The following PCDHGA7 variants were observed in gnomAD, a reference collection of about 807,000 sequenced individuals.
PCDHGA7 encodes protocadherin gamma subfamily A, 7.
A neutral mutation model predicts 58.3 loss-of-function variants in PCDHGA7; 44 were observed. That is an observed-to-expected ratio of 0.75 (90% CI 0.59 to 0.97). PCDHGA7 has a LOEUF of 0.97. Among genes scored for constraint, PCDHGA7 ranks in the 50% least tolerant of loss-of-function variants. The pLI is 0.00. For missense variants in PCDHGA7, 1,266 were observed against 1,188.7 expected (o/e 1.06, Z -0.96); for synonymous variants, 516 against 504.2 (o/e 1.02, Z -0.31).
chr5:141,418,324 G>A, intron 1 of PCDHGA7: 2 of 1,614,006 alleles, frequency 1.2e-6, no homozygotes, highest in Non-Finnish European at 1.7e-6. Context: ...CAATTCTTGA[G>A]TCTGCAGAAG....
chr5:141,455,936 C>T (rs1194722770), intron 1 of PCDHGA7, among the ~76,000 whole-genome samples: 3 of 151,422 alleles, frequency 2.0e-5, no homozygotes, highest in East Asian at 3.9e-4. Flanking sequence ...CTCGCTCTGT[C>T]GCCCAGGCTG....
chr5:141,414,415 C>A (rs769791452), intron 1 of PCDHGA7: 1 of 1,613,876 alleles, frequency 6.2e-7, no homozygotes, highest in Admixed American at 1.7e-5. Context: ...ACACAGAGCC[C>A]TTGACAGGGA....
intron 1 of PCDHGA7, chr5:141,395,467 C>T (rs2093236177): frequency 1.8e-6 from 1 of 566,628 alleles, no homozygotes; most frequent in Non-Finnish European, 3.0e-6. Context: ...TTTAAGCCTT[C>T]CAGTATTTTA....
At chr5:141,399,382 A>G in intron 1 of PCDHGA7, 1 of 1,614,000 alleles carries the variant, frequency 6.2e-7, no homozygotes, top group Non-Finnish European at 8.5e-7. Context: ...TGTCACCATC[A>G]CAGCCACAGA....
intron 1 of PCDHGA7, chr5:141,408,700 A>G (rs748315700): frequency 3.1e-6 from 5 of 1,613,470 alleles, no homozygotes; most frequent in Admixed American, 3.3e-5. Flanking sequence ...ACATAAACTC[A>G]ATTAAAGATT....
intron 1 of PCDHGA7, among the ~76,000 whole-genome samples, chr5:141,483,014 G>A (rs1401419953): frequency 1.3e-5 from 2 of 152,184 alleles, no homozygotes; most frequent in Non-Finnish European, 2.9e-5. Context: ...GAACCCGGGA[G>A]GCAGAGGTTG....
intron 1 of PCDHGA7, among the ~76,000 whole-genome samples, chr5:141,458,876 G>T (rs187470646): frequency 5.0e-4 from 76 of 152,248 alleles, no homozygotes; most frequent in African/African-American, 1.7e-3. Context: ...GGGACTACAG[G>T]CATGCACACC....
At position 141,384,883 on chromosome 5, in the gene PCDHGA7, G is replaced by A. The variant is rs774353364; in HGVS notation, c.1984G>A (p.Val662Met). ...PPLSATVTLT[V>M]AVADSIPEVL... ...TCTGTCAGCCACCGTCACACTCACCGTGGCTGTGGCTGACAGCATCCCCGA... is the reference window on the plus strand; with the variant it reads ...TCTGTCAGCCACCGTCACACTCACCATGGCTGTGGCTGACAGCATCCCCGA... The change falls in exon 1 of 4, where the codon GTG becomes ATG. Residue 662 changes from valine (V) to methionine (M), a missense_variant. Physicochemically the swap from Val to Met is conservative, Grantham distance 21 (BLOSUM62 1). Coordinates refer to ENST00000518325, the MANE Select transcript of PCDHGA7 (RefSeq NM_018920.4). 62 of 1,613,804 alleles carry A rather than the reference G, an allele frequency of 3.8e-5. 1 individual carries two copies. In the East Asian group the frequency reaches 1.3e-3, roughly 35 times the overall value.
chr5:141,422,777 C>CCCTACAAT, intron 1 of PCDHGA7: 2 of 1,613,982 alleles, frequency 1.2e-6, no homozygotes, highest in Non-Finnish European at 1.7e-6. Context: ...GTTCTCTATG[C>CCCTACAAT]CCTACAATCC....
At chr5:141,394,991 G>C (rs1282662717) in intron 1 of PCDHGA7, 1 of 1,614,012 alleles carries the variant, frequency 6.2e-7, no homozygotes, top group East Asian at 2.2e-5. Flanking sequence ...GCCTGCTCCA[G>C]GATTCCGGTG....
chr5:141,505,284 G>A, intron 2 of PCDHGA7, 109 bp from the exon 3 acceptor site: 1 of 1,548,402 alleles, frequency 6.5e-7, no homozygotes. Flanking sequence ...CAGGTCTTGG[G>A]CATGGGGTAG....
chr5:141,496,888 T>TA (rs35063790), intron 2 of PCDHGA7, among the ~76,000 whole-genome samples: 34,968 of 133,936 alleles, frequency 0.26, 4,377 homozygotes, highest in Admixed American at 0.34. Flanking sequence ...AAGTAACACT[T>TA]AAAAAAAAAA....
intron 1 of PCDHGA7, chr5:141,399,717 C>T (rs748626326): frequency 3.1e-6 from 5 of 1,613,320 alleles, no homozygotes; most frequent in Non-Finnish European, 4.2e-6. Context: ...CACTACAGGC[C>T]CGCGACCAGG....
rs948944459 is a variant in PCDHGA7 at position 141,476,485 on chromosome 5, G to T, written c.2425-18322G>T. 1 of 1,614,076 alleles carries T rather than the reference G, an allele frequency of 6.2e-7. No individual in the cohort carries two copies. The highest frequency in any genetic ancestry group is 8.5e-7 in the Non-Finnish European group (1 of 1,180,016). ...CGCTGGAGCTGTTCAGCGTGGAAGT[G>T]GTGATCCAGGACATCAACGACAACA... is the stretch of plus-strand genomic sequence containing the variant. On this transcript the variant is annotated intron_variant, in intron 1 of 3. Coordinates refer to ENST00000518325, the MANE Select transcript of PCDHGA7 (RefSeq NM_018920.4). The surrounding 1 kb of genome is among the most constrained non-coding windows in gnomAD (Gnocchi z 7.6).
In PCDHGA7 at chr5:141,432,695, G is replaced by A. The variant is rs1275179569; in HGVS notation, c.2424+47372G>A. ...GCTCAAGCAGAGCCTCGTAGTGGCC[G>A]TCCAGGACCACGGCCAGCCCCCTCT... On this transcript the variant is annotated intron_variant, in intron 1 of 3. Coordinates refer to ENST00000518325, the MANE Select transcript of PCDHGA7 (RefSeq NM_018920.4). This position sits in a 1 kb window ranked among gnomAD's most constrained non-coding sequence, Gnocchi z 6.0. The A allele has an allele frequency of 3.1e-6, 5 of 1,613,822 alleles. No homozygotes were observed. The highest frequency in any genetic ancestry group is 1.7e-5 in the Admixed American group (1 of 60,002).
chr5:141,421,953 G>A lies in PCDHGA7; in HGVS notation c.2424+36630G>A, dbSNP rs193141134. On this transcript the variant is annotated intron_variant, in intron 1 of 3. Coordinates refer to ENST00000518325, the MANE Select transcript of PCDHGA7 (RefSeq NM_018920.4). ...TCGATGTAAATGATCACATCCCAATGTTTACACAGTCCGTATATCGCGTGA... is the reference window on the plus strand; with the variant it reads ...TCGATGTAAATGATCACATCCCAATATTTACACAGTCCGTATATCGCGTGA... 1.8e-4 allele frequency: 295 copies of A among 1,612,962 alleles called. 5 individuals are homozygous for A. In the East Asian group the frequency reaches 4.0e-3, roughly 22 times the overall value.
Position 141,489,900 on chromosome 5 carries a change from A to T in PCDHGA7, c.2425-4907A>T. ...TTACTGCTGTGGATGGGGGGACCCC[A>T]GCCCGCTCAGGGACCACCCTTATCT... On this transcript the variant is annotated intron_variant, in intron 1 of 3. Coordinates refer to ENST00000518325, the MANE Select transcript of PCDHGA7 (RefSeq NM_018920.4). This position sits in a 1 kb window ranked among gnomAD's most constrained non-coding sequence, Gnocchi z 4.5. The T allele has an allele frequency of 6.2e-7, 1 of 1,614,254 alleles. No homozygotes were observed. The highest frequency in any genetic ancestry group is 8.5e-7 in the Non-Finnish European group (1 of 1,180,044).
intron 1 of PCDHGA7, chr5:141,398,937 C>G: frequency 6.2e-7 from 1 of 1,613,902 alleles, no homozygotes; most frequent in Non-Finnish European, 8.5e-7. Context: ...CTGACCAAGA[C>G]GAGGGCATCA....
In PCDHGA7 at chr5:141,385,469, C is replaced by T. The variant is rs536184133; in HGVS notation, c.2424+146C>T. 3.5e-5 allele frequency: 50 copies of T among 1,439,702 alleles called. No homozygotes were observed. In the South Asian group the frequency reaches 7.4e-4, roughly 21 times the overall value. The allele number at this position is 1,439,702 out of a possible 1,614,324, so 89.2% of individuals were successfully genotyped here. ...GTTTACCAGTTTCCTTCAGTGGTGA[C>T]ACTTTAATATAGAACACATAGGATA... On this transcript the variant is annotated intron_variant, in intron 1 of 3. Transcript: ENST00000518325.
Sources: allele counts gnomAD v4.1 joint callset (sites outside exome capture counted in the v4.1 genomes callset), GRCh38; gene constraint gnomAD v4.1.1; non-coding constraint Gnocchi (gnomAD v3.1); transcripts MANE v1.5; gene names NCBI Gene and HGNC (gene_info 2026-07-23, HGNC 2026-07-21).